Variants in GLB1L3 observed in about 807,000 individuals in gnomAD.
GLB1L3 encodes beta-galactosidase-1-like protein 3.
Under a neutral mutation model 89.5 loss-of-function variants are expected in GLB1L3, and 89 were observed. The ratio of observed to expected loss-of-function variants is 0.99; its 90% CI spans 0.84 to 1.19. The LOEUF (loss-of-function observed/expected upper bound fraction) is 1.19. Ranked by LOEUF, GLB1L3 falls within the 50% of genes most tolerant of loss-of-function variation. GLB1L3 has a pLI of 0.00. For synonymous variants in GLB1L3, 314 were observed against 312.3 expected, an observed-to-expected ratio of 1.01 and a Z score of -0.06; for missense variants, 812 against 813.3, an observed-to-expected ratio of 1.00 and a Z score of 0.02.
At position 134,312,248 on chromosome 11, in the gene GLB1L3, C is replaced by T. The variant is rs1454228644; in HGVS notation, c.1288-101C>T. 3 of 1,335,672 alleles carry T rather than the reference C, an allele frequency of 2.2e-6. No individual in the cohort carries two copies. The African/African-American group carries it at 4.3e-5, about 19-fold the overall frequency. The allele number at this position is 1,335,672 out of a possible 1,614,324, so 82.7% of individuals were successfully genotyped here. On this transcript the variant is annotated intron_variant, in intron 13 of 19. Coordinates refer to ENST00000431683, the MANE Select transcript of GLB1L3 (RefSeq NM_001080407.3). The stretch of plus-strand genomic sequence containing the variant: ...GTTTCATCATTTCCCATTTGAAGAA[C>T]CCTTGGGGACCATTAGGCAGGACCA...
chr11:134,318,774 G>A (rs1943087914), intron 19 of GLB1L3, 27 bp downstream of exon 19: 1 of 1,561,158 alleles, frequency 6.4e-7, no homozygotes, highest in Non-Finnish European at 8.8e-7. Flanking sequence ...TCTGCCTTGA[G>A]ATCTCATAAA....
At chr11:134,304,878 T>G (rs1942114625) in intron 9 of GLB1L3, among the ~76,000 whole-genome samples, 1 of 152,212 alleles carries the variant, frequency 6.6e-6, no homozygotes, top group Admixed American at 6.5e-5. Flanking sequence ...CTCTTTTTTA[T>G]TAGAATTTTA....
At chr11:134,297,815 G>A (rs1308344900) in intron 9 of GLB1L3, among the ~76,000 whole-genome samples, 3 of 139,236 alleles carry the variant, frequency 2.2e-5, no homozygotes, top group Non-Finnish European at 3.0e-5. Context: ...AGCCAAGGTC[G>A]TGCCATTGCA....
Position 134,289,135 on chromosome 11 carries a change from A to G in GLB1L3, c.729+245A>G, listed in dbSNP as rs1591545445. ...ACTGGAAGCCTTACCAATAATAAACAGTCGATTAATGCAGGTTTTGTATAT... is the reference window on the plus strand; with the variant it reads ...ACTGGAAGCCTTACCAATAATAAACGGTCGATTAATGCAGGTTTTGTATAT... On this transcript the variant is annotated intron_variant, in intron 7 of 19. Coordinates refer to ENST00000431683, the MANE Select transcript of GLB1L3 (RefSeq NM_001080407.3). 13 of 402,812 alleles carry G rather than the reference A, an allele frequency of 3.2e-5. No individual in the cohort carries two copies. The East Asian group carries it at 5.8e-4, about 18-fold the overall frequency. The allele number at this position is 402,812 out of a possible 1,614,324, so 25.0% of individuals were successfully genotyped here. A position where few individuals can be genotyped will look rare whatever the true frequency, so the allele number is the denominator to read the frequency against.
At position 134,318,676 on chromosome 11, in the gene GLB1L3, C is replaced by A; in HGVS notation, c.1825C>A (p.Arg609=). Residue 609 remains arginine (R), a synonymous_variant, in exon 19 of 20, where the codon CGA becomes AGA. Transcript: ENST00000431683. The part of the protein sequence containing the change: ...FVFINGRNLG[R]YWNIGPQKTL... Reference sequence around the variant, plus strand: ...GTTCATCAATGGACGTAACCTTGGGCGATATTGGAATATTGGGCCTCAGAA... The same window carrying A: ...GTTCATCAATGGACGTAACCTTGGGAGATATTGGAATATTGGGCCTCAGAA... The A allele has an allele frequency of 6.2e-7, 1 of 1,612,694 alleles. No homozygotes were observed. The highest frequency in any genetic ancestry group is 8.5e-7 in the Non-Finnish European group (1 of 1,179,084).
At chr11:134,276,161 A>C, upstream of GLB1L3, 1 of 152,366 alleles carries the variant, frequency 6.6e-6, no homozygotes, top group Non-Finnish European at 1.5e-5. Context: ...CGCCGAGGGA[A>C]CGGCCCTCCC....
chr11:134,292,204 A>G lies in GLB1L3; in HGVS notation c.802A>G (p.Thr268Ala). ...TGAGAAACATGTGCTGAGTGGCCAC[A>G]CCAAAGGAGGTACACATTTAGAGTT... The part of the protein sequence containing the change: ...DGEKHVLSGH[T>A]KGVLAAINLQ... The change falls in exon 8 of 20, where the codon ACC (threonine) becomes GCC (alanine). Residue 268 changes from threonine to alanine, a missense_variant. Coordinates refer to ENST00000431683, the MANE Select transcript of GLB1L3 (RefSeq NM_001080407.3). The G allele has an allele frequency of 6.2e-7, 1 of 1,611,858 alleles. No homozygotes were observed.
At chr11:134,277,035 G>A (rs1280088262) in intron 1 of GLB1L3, 2 of 571,634 alleles carry the variant, frequency 3.5e-6, no homozygotes, top group Non-Finnish European at 3.1e-6. Context: ...CCCGAACCTG[G>A]TGCTGGAAGT....
Position 134,319,103 on chromosome 11 carries a change from C to G in GLB1L3, c.*161C>G. The G allele has an allele frequency of 3.4e-6, 2 of 587,924 alleles. No individual in the cohort carries two copies. The highest frequency in any genetic ancestry group is 6.0e-6 in the Non-Finnish European group (2 of 331,840). The allele number at this position is 587,924 out of a possible 1,614,324, so 36.4% of individuals were successfully genotyped here. A position where few individuals can be genotyped will look rare whatever the true frequency, so the allele number is the denominator to read the frequency against. ...CCCAGCAGCTGGGACTACAGGTGCACGCCACCACGCCTGGCTAATTTTTTG... is the reference window on the plus strand; with the variant it reads ...CCCAGCAGCTGGGACTACAGGTGCAGGCCACCACGCCTGGCTAATTTTTTG... On this transcript the variant is annotated 3_prime_UTR_variant, in exon 20 of 20. Transcript: ENST00000431683.
At position 134,289,028 on chromosome 11, in the gene GLB1L3, G is replaced by C. The variant is rs1016369437; in HGVS notation, c.729+138G>C. ...TGGCCTGTGAACACGAGGTGCGGAGGGGTGCCGGCCCACTGCATAGCTGAA... is the reference window on the plus strand; with the variant it reads ...TGGCCTGTGAACACGAGGTGCGGAGCGGTGCCGGCCCACTGCATAGCTGAA... On this transcript the variant is annotated intron_variant, in intron 7 of 19. Transcript: ENST00000431683. The C allele has an allele frequency of 8.2e-6, 5 of 610,558 alleles. No individual in the cohort carries two copies. The African/African-American group carries it at 9.3e-5, about 11-fold the overall frequency. 37.8% of individuals were successfully genotyped at this position (610,558 alleles called of 1,614,324 possible). A position where few individuals can be genotyped will look rare whatever the true frequency, so the allele number is the denominator to read the frequency against.
chr11:134,284,625 T>A (rs1348913282), intron 6 of GLB1L3, among the ~76,000 whole-genome samples: 1 of 152,014 alleles, frequency 6.6e-6, no homozygotes, highest in Non-Finnish European at 1.5e-5. Flanking sequence ...GCTACTCAGC[T>A]GGCTGAGACA....
At chr11:134,301,191 G>A (rs1254372754) in intron 9 of GLB1L3, among the ~76,000 whole-genome samples, 2 of 152,166 alleles carry the variant, frequency 1.3e-5, no homozygotes. Context: ...GTTTTCCATG[G>A]ATTTTAGGTA....
intron 9 of GLB1L3, 79 bp downstream of exon 9, chr11:134,293,288 A>G: frequency 1.6e-6 from 2 of 1,234,372 alleles, no homozygotes; most frequent in Non-Finnish European, 2.3e-6. Flanking sequence ...GTATTCCGTG[A>G]AAACAGGTTT....
intron 3 of GLB1L3, among the ~76,000 whole-genome samples, chr11:134,279,766 T>C (rs1335616745): frequency 6.6e-6 from 1 of 152,230 alleles, no homozygotes; most frequent in Non-Finnish European, 1.5e-5. Flanking sequence ...TTTGGCTGTT[T>C]TTTTCTTTTT....
chr11:134,277,689 G>A lies in GLB1L3; in HGVS notation c.150-11G>A, dbSNP rs759153508. Reference sequence around the variant, plus strand: ...CCTTTCCACTTTCTTTCCCTCGCCCGCCCCCTCCAGGTTTAATTGGTCTCA... The same window carrying A: ...CCTTTCCACTTTCTTTCCCTCGCCCACCCCCTCCAGGTTTAATTGGTCTCA... On this transcript the variant is annotated splice_polypyrimidine_tract_variant and intron_variant, in intron 2 of 19. Transcript: ENST00000431683. 1.4e-5 allele frequency: 22 copies of A among 1,595,432 alleles called. No homozygotes were observed. Among genetic ancestry groups the A allele is most frequent in the South Asian group, 5.6e-5 (5 of 88,632 alleles).
chr11:134,320,659 T>C (rs1297357695), downstream of GLB1L3, among the ~76,000 whole-genome samples: 2 of 151,772 alleles, frequency 1.3e-5, no homozygotes, highest in Non-Finnish European at 2.9e-5. Context: ...TCAGAAGATA[T>C]AATGCTTTCA....
intron 3 of GLB1L3, among the ~76,000 whole-genome samples, chr11:134,279,364 CTTTTTT>C (rs10577769): frequency 1.8e-5 from 2 of 108,340 alleles, no homozygotes; most frequent in African/African-American, 3.4e-5. Flanking sequence ...TTTTCTTTTT[CTTTTTT>C]TTTTTTTTTT....
chr11:134,293,520 T>TGCTCAC (rs917761049), intron 9 of GLB1L3, among the ~76,000 whole-genome samples: 8 of 152,246 alleles, frequency 5.3e-5, no homozygotes, highest in African/African-American at 1.4e-4. Flanking sequence ...CTATGCGCGT[T>TGCTCAC]GCTCACGGAG....
chr11:134,314,572 A>G, intron 18 of GLB1L3, 131 bp downstream of exon 18: 1 of 687,710 alleles, frequency 1.5e-6, no homozygotes, highest in Admixed American at 2.4e-5. Context: ...ATCTCCAACC[A>G]AGCCTTCCAA....
Sources: gnomAD v4.1 joint callset for allele counts (sites outside exome capture counted in the v4.1 genomes callset) on GRCh38, gnomAD v4.1.1 for gene constraint, MANE v1.5 for transcripts, NCBI Gene and HGNC (gene_info 2026-07-23, HGNC 2026-07-21) for gene names.